TCF4: variants seen among roughly 807,000 people sequenced by gnomAD.
TCF4 encodes the protein transcription factor 4, also known as SL3-3 enhancer factor 2.
A neutral mutation model predicts 82.1 loss-of-function variants in TCF4; 3 were observed. The ratio of observed to expected loss-of-function variants is 0.04; its 90% CI spans 0.02 to 0.09. TCF4 has a LOEUF of 0.09. Ranked by LOEUF, TCF4 falls within the 10% of genes least tolerant of loss-of-function variation. The pLI is 1.00. For missense variants in TCF4, 518 were observed against 852.7 expected (o/e 0.61, Z 4.89); for synonymous variants, 276 against 309.6 (o/e 0.89, Z 1.14).
At chr18:55,290,260 C>T (rs1390186337) in intron 8 of TCF4, among the ~76,000 whole-genome samples, 1 of 152,166 alleles carries the variant, frequency 6.6e-6, no homozygotes, top group African/African-American at 2.4e-5. Flanking sequence ...GACTTAAGCT[C>T]AAATAACTTT....
chr18:55,431,349 G>A (rs1257629627), intron 5 of TCF4, among the ~76,000 whole-genome samples: 2 of 152,094 alleles, frequency 1.3e-5, no homozygotes, highest in African/African-American at 2.4e-5. Flanking sequence ...GGGCGATCTC[G>A]GCTCACTGCA....
At chr18:55,300,228 T>C (rs2067776957) in intron 8 of TCF4, among the ~76,000 whole-genome samples, 1 of 152,338 alleles carries the variant, frequency 6.6e-6, no homozygotes, top group Middle Eastern at 3.4e-3. Flanking sequence ...CTGGAGGGAA[T>C]CTGCCCCCTA....
At chr18:55,605,244 G>A (rs2097701173) in intron 2 of TCF4, among the ~76,000 whole-genome samples, 1 of 152,208 alleles carries the variant, frequency 6.6e-6, no homozygotes, top group African/African-American at 2.4e-5. Context: ...CCTGTACAGT[G>A]GCACATTTTA....
chr18:55,381,264 T>G (rs2091858670), intron 6 of TCF4, among the ~76,000 whole-genome samples: 1 of 152,226 alleles, frequency 6.6e-6, no homozygotes, highest in Non-Finnish European at 1.5e-5. Flanking sequence ...GATTTCACCA[T>G]TTTGTTGTTG....
intron 3 of TCF4, among the ~76,000 whole-genome samples, chr18:55,516,165 G>A (rs624244): frequency 0.63 from 96,271 of 151,838 alleles, 30,963 homozygotes; most frequent in East Asian, 0.99. Context: ...ATGACTGGAC[G>A]TGAGTTTGGA....
chr18:55,237,711 T>C (rs1377342874), intron 15 of TCF4, among the ~76,000 whole-genome samples: 1 of 152,148 alleles, frequency 6.6e-6, no homozygotes, highest in Non-Finnish European at 1.5e-5. Context: ...TCCAGAGCCA[T>C]GTAATAATGA....
rs1460805949 is a variant in TCF4 at position 55,223,880 on chromosome 18, A to T, written c.*4155T>A. Reference sequence around the variant, plus strand: ...AGTTTCATCTTGGTAACACATGGTAAAATAACATCTTTTAAATAGTAAAAT... The same window carrying T: ...AGTTTCATCTTGGTAACACATGGTATAATAACATCTTTTAAATAGTAAAAT... On this transcript the variant is annotated 3_prime_UTR_variant, in exon 20 of 20. Transcript: ENST00000354452. The T allele has an allele frequency of 6.6e-6, 1 of 152,434 alleles. No homozygotes were observed. The highest frequency in any genetic ancestry group is 1.5e-5 in the Non-Finnish European group (1 of 68,008). 9.4% of individuals were successfully genotyped at this position (152,434 alleles called of 1,614,324 possible). A position where few individuals can be genotyped will look rare whatever the true frequency, so the allele number is the denominator to read the frequency against.
intron 8 of TCF4, among the ~76,000 whole-genome samples, chr18:55,280,675 A>G (rs2062410791): frequency 6.6e-6 from 1 of 152,152 alleles, no homozygotes; most frequent in South Asian, 2.1e-4. Context: ...AGCGGCTCAC[A>G]AAATTGGCAG....
chr18:55,605,893 A>G (rs2097701779), intron 2 of TCF4, among the ~76,000 whole-genome samples: 2 of 152,360 alleles, frequency 1.3e-5, no homozygotes, highest in South Asian at 4.1e-4. Context: ...TTTCAAGAGC[A>G]GTGGTTCCCA....
chr18:55,316,128 T>C (rs2074074433), intron 8 of TCF4, among the ~76,000 whole-genome samples: 1 of 152,042 alleles, frequency 6.6e-6, no homozygotes, highest in South Asian at 2.1e-4. Context: ...CTGATAATAT[T>C]GGAGGGGGAA....
rs370160994 is a variant in TCF4, at chr18:55,350,404, T to C, written c.504A>G (p.Val168=). 771 of 1,613,480 alleles carry C rather than the reference T, an allele frequency of 4.8e-4. 1 individual carries two copies. The highest frequency in any genetic ancestry group is 6.1e-4 in the Non-Finnish European group (718 of 1,179,664). ...GAACTTTTCGAACTTTCTTTGTCTG[T>C]ACCTCTGAAAGAAAATGAAGATGCT... ...RRPLHSSAME[V]QTKKVRKVPP... is the part of the protein sequence containing the mutation. The change falls in exon 8 of 20, where the codon GTA becomes GTG. Residue 168 remains valine, a synonymous_variant. Coordinates refer to ENST00000354452, the MANE Select transcript of TCF4 (RefSeq NM_001083962.2).
chr18:55,289,464 A>G (rs1426488370), intron 8 of TCF4, among the ~76,000 whole-genome samples: 1 of 152,200 alleles, frequency 6.6e-6, no homozygotes, highest in Non-Finnish European at 1.5e-5. Context: ...TAAATCTTAA[A>G]CAGATGTAAC....
chr18:55,512,006 T>A (rs1297357774), intron 3 of TCF4, among the ~76,000 whole-genome samples: 1 of 152,132 alleles, frequency 6.6e-6, no homozygotes, highest in Admixed American at 6.5e-5. Flanking sequence ...ATAAGAATCA[T>A]GAACATGAAA....
chr18:55,334,235 A>G (rs1259894839), intron 8 of TCF4, among the ~76,000 whole-genome samples: 1 of 152,202 alleles, frequency 6.6e-6, no homozygotes, highest in African/African-American at 2.4e-5. Flanking sequence ...TAGTAAAAGC[A>G]TTATTCTTAA....
chr18:55,479,804 A>G (rs1305188884), intron 3 of TCF4, among the ~76,000 whole-genome samples: 1 of 152,154 alleles, frequency 6.6e-6, no homozygotes, highest in East Asian at 1.9e-4. Context: ...TTGTTCCAGC[A>G]ATTAGCATAC....
chr18:55,300,115 C>T (rs573390913), intron 8 of TCF4, among the ~76,000 whole-genome samples: 2 of 152,132 alleles, frequency 1.3e-5, no homozygotes, highest in Admixed American at 6.5e-5. Context: ...CACACACACA[C>T]ACACACACAC....
intron 5 of TCF4, among the ~76,000 whole-genome samples, chr18:55,420,004 G>T (rs1262177291): frequency 6.6e-6 from 1 of 152,118 alleles, no homozygotes; most frequent in East Asian, 1.9e-4. Flanking sequence ...GGGTAAAACT[G>T]ATCACCCACA....
At chr18:55,439,032 A>G (rs1291376925) in intron 5 of TCF4, among the ~76,000 whole-genome samples, 1 of 152,220 alleles carries the variant, frequency 6.6e-6, no homozygotes, top group African/African-American at 2.4e-5. Context: ...GGGAGTTATC[A>G]GCCTGGGATG....
intron 6 of TCF4, among the ~76,000 whole-genome samples, chr18:55,398,384 G>A (rs1189522660): frequency 4.6e-5 from 7 of 152,068 alleles, no homozygotes; most frequent in South Asian, 2.1e-4. Context: ...TTCAATGTTC[G>A]GACCAGGATG....
Sources: gnomAD v4.1 joint callset for allele counts (sites outside exome capture counted in the v4.1 genomes callset) on GRCh38, gnomAD v4.1.1 for gene constraint, MANE v1.5 for transcripts, NCBI Gene and HGNC (gene_info 2026-07-23, HGNC 2026-07-21) for gene names.